Variants in LARGE1 observed in about 807,000 individuals in gnomAD.
LARGE1 encodes LARGE xylosyl- and glucuronyltransferase 1.
A neutral mutation model predicts 87.6 loss-of-function variants in LARGE1; 43 were observed. The ratio of observed to expected loss-of-function variants is 0.49; its 90% CI spans 0.38 to 0.63. LARGE1 has a LOEUF of 0.63. Ranked by LOEUF, LARGE1 falls within the 30% of genes least tolerant of loss-of-function variation. The pLI, the probability that LARGE1 is intolerant of heterozygous loss-of-function variation, is 0.00. For synonymous variants in LARGE1, 434 were observed against 394.6 expected (o/e 1.10, Z -1.18); for missense variants, 802 against 1,000.2 (o/e 0.80, Z 2.67).
intron 2 of LARGE1, among the ~76,000 whole-genome samples, chr22:33,726,878 C>T (rs2083286352): frequency 6.7e-6 from 1 of 150,322 alleles, no homozygotes; most frequent in Non-Finnish European, 1.5e-5. Context: ...TCAATATCTA[C>T]CTCTCTGCTC....
At chr22:33,663,548 GAT>G (rs1222047415) in intron 2 of LARGE1, among the ~76,000 whole-genome samples, 3 of 152,246 alleles carry the variant, frequency 2.0e-5, no homozygotes, top group African/African-American at 7.2e-5. Flanking sequence ...TCCAGTACAG[GAT>G]CCCAATTTCT....
the LARGE1 span, among the ~76,000 whole-genome samples, chr22:33,073,981 T>C: frequency 6.6e-6 from 1 of 152,214 alleles, no homozygotes; most frequent in Admixed American, 6.5e-5. Context: ...GCTTCCTTCC[T>C]GGCTCTCACT....
chr22:33,072,416 T>C, the LARGE1 span, among the ~76,000 whole-genome samples: 2 of 152,140 alleles, frequency 1.3e-5, no homozygotes, highest in Non-Finnish European at 2.9e-5. Context: ...AAGGCCCTGA[T>C]TGACTGGTTC....
intron 1 of LARGE1, among the ~76,000 whole-genome samples, chr22:33,862,906 ACGCAC>A (rs1360461618): frequency 6.6e-6 from 1 of 152,146 alleles, no homozygotes; most frequent in Non-Finnish European, 1.5e-5. Flanking sequence ...CAGAGGTAGC[ACGCAC>A]CGAGTCCTCA....
the LARGE1 span, among the ~76,000 whole-genome samples, chr22:33,068,672 A>G: frequency 2.0e-5 from 3 of 152,250 alleles, no homozygotes; most frequent in South Asian, 4.2e-4. Context: ...AAAATAAATG[A>G]CAGAGTTAGG....
chr22:33,528,182 A>T (rs564245541), intron 6 of LARGE1, among the ~76,000 whole-genome samples: 3 of 152,240 alleles, frequency 2.0e-5, no homozygotes, highest in Admixed American at 2.0e-4. Context: ...ATTAAGGATA[A>T]TACAGTAGTG....
intron 1 of LARGE1, among the ~76,000 whole-genome samples, chr22:33,771,109 T>C (rs552768778): frequency 2.0e-5 from 3 of 151,840 alleles, no homozygotes; most frequent in Admixed American, 2.0e-4. Context: ...GATTCTTTAC[T>C]GTCATCATGA....
intron 3 of LARGE1, among the ~76,000 whole-genome samples, chr22:33,634,718 C>A (rs1206482617): frequency 1.3e-5 from 2 of 151,764 alleles, no homozygotes; most frequent in Non-Finnish European, 2.9e-5. Flanking sequence ...CCCTGGAAAT[C>A]CAGAGAGCTG....
At chr22:33,388,258 T>C (rs1211547174) in intron 7 of LARGE1, among the ~76,000 whole-genome samples, 1 of 152,220 alleles carries the variant, frequency 6.6e-6, no homozygotes, top group Non-Finnish European at 1.5e-5. Flanking sequence ...TTATGAACAA[T>C]GCTGCAATAA....
chr22:33,849,016 C>T (rs1436093780), intron 1 of LARGE1, among the ~76,000 whole-genome samples: 4 of 152,232 alleles, frequency 2.6e-5, no homozygotes, highest in South Asian at 2.1e-4. Flanking sequence ...ATCTGCACTC[C>T]GTCCCAGAGA....
intron 5 of LARGE1, among the ~76,000 whole-genome samples, chr22:33,573,951 A>G (rs1445462472): frequency 6.6e-6 from 1 of 152,122 alleles, no homozygotes; most frequent in Non-Finnish European, 1.5e-5. Flanking sequence ...CCCCAAAGTG[A>G]GTGGTCCCAA....
intron 1 of LARGE1, among the ~76,000 whole-genome samples, chr22:33,768,051 T>C (rs2084958450): frequency 6.6e-6 from 1 of 152,258 alleles, no homozygotes; most frequent in African/African-American, 2.4e-5. Context: ...GGCTGACGCC[T>C]GTAATCCCAA....
Position 33,837,941 on chromosome 22 carries a change from A to C in LARGE1, c.-82-76383T>G, listed in dbSNP as rs998959229. Among the ~76,000 whole-genome samples, 4 of 152,220 alleles carry C rather than the reference A, an allele frequency of 2.6e-5. No individual in the cohort carries two copies. In the East Asian group the frequency reaches 7.7e-4, roughly 29 times the overall value. On this transcript the variant is annotated intron_variant, in intron 1 of 14. Coordinates refer to ENST00000397394, the MANE Select transcript of LARGE1 (RefSeq NM_133642.5). Reference sequence around the variant, plus strand: ...GCAAAATTTTTATGTGTAAGGTGAGATAGTAAATCACGTAAGCTCTGCATG... The same window carrying C: ...GCAAAATTTTTATGTGTAAGGTGAGCTAGTAAATCACGTAAGCTCTGCATG...
chr22:33,598,733 A>G (rs2079041779), intron 5 of LARGE1, among the ~76,000 whole-genome samples: 1 of 152,210 alleles, frequency 6.6e-6, no homozygotes, highest in Non-Finnish European at 1.5e-5. Context: ...ATAGTATTCC[A>G]TGGTGTCTAT....
chr22:33,449,295 T>C (rs1173551833), intron 6 of LARGE1, among the ~76,000 whole-genome samples: 1 of 152,224 alleles, frequency 6.6e-6, no homozygotes, highest in Non-Finnish European at 1.5e-5. Flanking sequence ...AGGCAGAGTG[T>C]TGGGGCTCTC....
At chr22:33,659,744 TA>T (rs71187276) in intron 2 of LARGE1, among the ~76,000 whole-genome samples, 97 of 122,040 alleles carry the variant, frequency 7.9e-4, no homozygotes, top group Admixed American at 1.5e-3. Flanking sequence ...GAAGAACAGT[TA>T]AAAAAAAAAA....
the LARGE1 span, among the ~76,000 whole-genome samples, chr22:33,093,680 G>T: frequency 6.6e-6 from 1 of 152,064 alleles, no homozygotes; most frequent in Admixed American, 6.5e-5. Flanking sequence ...AGGGAATTGT[G>T]TTCTCTTTGG....
intron 9 of LARGE1, among the ~76,000 whole-genome samples, chr22:33,350,031 C>T (rs892096792): frequency 3.9e-5 from 6 of 152,124 alleles, no homozygotes; most frequent in Admixed American, 3.3e-4. Context: ...TTCTCTGTAA[C>T]ATTTCTTATT....
intron 2 of LARGE1, among the ~76,000 whole-genome samples, chr22:33,730,641 T>C (rs1025619607): frequency 6.6e-6 from 1 of 152,178 alleles, no homozygotes; most frequent in Admixed American, 6.5e-5. Context: ...TAGGGATGAA[T>C]GATGAGAAGT....
Sources: gnomAD v4.1 joint callset for allele counts (sites outside exome capture counted in the v4.1 genomes callset) on GRCh38, gnomAD v4.1.1 for gene constraint, MANE v1.5 for transcripts, NCBI Gene and HGNC (gene_info 2026-07-23, HGNC 2026-07-21) for gene names.